The following RBM47 variants were observed in gnomAD, a reference collection of about 807,000 sequenced individuals.
The protein encoded by RBM47 is RNA binding motif protein 47.
Under a neutral mutation model 47.1 loss-of-function variants are expected in RBM47, and 21 were observed. That is an observed-to-expected ratio of 0.45 (90% CI 0.32 to 0.64). The LOEUF is 0.64. RBM47 is among the 30% of genes least tolerant of loss of function. The probability of loss-of-function intolerance (pLI) is 0.05; values close to 1 mark genes in which losing one functional copy is unlikely to be tolerated. For synonymous variants in RBM47, 375 were observed against 361.7 expected, an observed-to-expected ratio of 1.04 and a Z score of -0.42; for missense variants, 708 against 870.9, an observed-to-expected ratio of 0.81 and a Z score of 2.35.
At chr4:40,612,340 T>G (rs1038726901) in intron 1 of RBM47, among the ~76,000 whole-genome samples, 2 of 152,206 alleles carry the variant, frequency 1.3e-5, no homozygotes, top group Non-Finnish European at 2.9e-5. Context: ...AAGAACAGCC[T>G]CTACTAAAAA....
intron 1 of RBM47, among the ~76,000 whole-genome samples, chr4:40,561,689 A>T (rs559898762): frequency 6.6e-6 from 1 of 151,548 alleles, no homozygotes; most frequent in East Asian, 1.9e-4. Flanking sequence ...AGCTGGAATT[A>T]CAGGCTTGCA....
chr4:40,524,587 G>A (rs1191989423), intron 2 of RBM47, among the ~76,000 whole-genome samples: 1 of 152,160 alleles, frequency 6.6e-6, no homozygotes, highest in Non-Finnish European at 1.5e-5. Flanking sequence ...TTGGCATTCG[G>A]ACTCAGAAAA....
At chr4:40,506,220 G>C (rs1724083893) in intron 2 of RBM47, among the ~76,000 whole-genome samples, 1 of 152,176 alleles carries the variant, frequency 6.6e-6, no homozygotes, top group South Asian at 2.1e-4. Context: ...ATTTGTGATT[G>C]ACAGCAACGG....
At chr4:40,596,711 C>T (rs1377365615) in intron 1 of RBM47, among the ~76,000 whole-genome samples, 1 of 152,084 alleles carries the variant, frequency 6.6e-6, no homozygotes, top group Non-Finnish European at 1.5e-5. Flanking sequence ...CAAAGCCCCA[C>T]GCCTTGTGTA....
chr4:40,496,038 C>G (rs1263612689), intron 2 of RBM47, among the ~76,000 whole-genome samples: 1 of 152,170 alleles, frequency 6.6e-6, no homozygotes. Flanking sequence ...AATTGATCAT[C>G]CCCATCTTTC....
intron 1 of RBM47, among the ~76,000 whole-genome samples, chr4:40,569,457 T>G (rs1434065839): frequency 6.6e-6 from 1 of 150,920 alleles, no homozygotes; most frequent in Non-Finnish European, 1.5e-5. Flanking sequence ...TCGCCCAGGC[T>G]GGAGTGCAGT....
chr4:40,543,314 T>A (rs1262739412), intron 2 of RBM47: 2 of 152,128 alleles, frequency 1.3e-5, no homozygotes, highest in East Asian at 3.9e-4. Flanking sequence ...TCCTACCCGC[T>A]GATTGCAGGA....
At chr4:40,512,720 A>C (rs1279442360) in intron 2 of RBM47, among the ~76,000 whole-genome samples, 6 of 151,622 alleles carry the variant, frequency 4.0e-5, no homozygotes, top group South Asian at 2.1e-4. Context: ...ATCTCAAAAA[A>C]AAAAAAAAAA....
intron 3 of RBM47, among the ~76,000 whole-genome samples, chr4:40,451,144 C>G (rs1178285301): frequency 2.2e-5 from 3 of 135,160 alleles, no homozygotes; most frequent in Non-Finnish European, 3.0e-5. Context: ...CCCAGGAGTT[C>G]GAGACCAGCC....
chr4:40,456,995 T>C (rs551846315), intron 3 of RBM47, among the ~76,000 whole-genome samples: 2 of 152,346 alleles, frequency 1.3e-5, no homozygotes, highest in South Asian at 4.1e-4. Context: ...ATTGTAATTT[T>C]ATAAAGATGC....
chr4:40,496,904 G>A (rs982668359), intron 2 of RBM47, among the ~76,000 whole-genome samples: 49 of 152,172 alleles, frequency 3.2e-4, no homozygotes, highest in African/African-American at 1.2e-3. Context: ...GCCAGGCGTG[G>A]TGGCACATGC....
intron 1 of RBM47, among the ~76,000 whole-genome samples, chr4:40,576,373 C>A (rs1421220686): frequency 6.7e-6 from 1 of 150,174 alleles, no homozygotes; most frequent in African/African-American, 2.5e-5. Flanking sequence ...CCAGGCTGGT[C>A]TTGAACTCCT....
chr4:40,473,743 C>T (rs531322431), intron 2 of RBM47, among the ~76,000 whole-genome samples: 2 of 152,256 alleles, frequency 1.3e-5, no homozygotes, highest in African/African-American at 4.8e-5. Context: ...AGAGACCCCA[C>T]AAAATGAGTA....
chr4:40,501,249 T>C (rs536036846), intron 2 of RBM47, among the ~76,000 whole-genome samples: 1 of 152,168 alleles, frequency 6.6e-6, no homozygotes, highest in South Asian at 2.1e-4. Context: ...TCATACCTTA[T>C]GGAGAAACAT....
intron 1 of RBM47, among the ~76,000 whole-genome samples, chr4:40,610,631 A>AT (rs1430378594): frequency 6.7e-6 from 1 of 149,808 alleles, no homozygotes; most frequent in African/African-American, 2.5e-5. Flanking sequence ...AAAAAAAAAA[A>AT]GAACAGGACC....
intron 2 of RBM47, among the ~76,000 whole-genome samples, chr4:40,524,709 C>T (rs980416761): frequency 6.6e-6 from 1 of 152,202 alleles, no homozygotes. Flanking sequence ...CAGCCTTGAC[C>T]TCCTGGGCTC....
intron 3 of RBM47, among the ~76,000 whole-genome samples, chr4:40,464,358 T>C (rs978464376): frequency 1.3e-5 from 2 of 152,274 alleles, no homozygotes; most frequent in Non-Finnish European, 2.9e-5. Flanking sequence ...CTATACATAT[T>C]TACATATATA....
intron 1 of RBM47, among the ~76,000 whole-genome samples, chr4:40,599,739 G>GAAAAA (rs34255711): frequency 2.2e-5 from 3 of 138,712 alleles, no homozygotes; most frequent in African/African-American, 5.2e-5. Context: ...AAATGAATTA[G>GAAAAA]AAAAAAAAAA....
intron 2 of RBM47, among the ~76,000 whole-genome samples, chr4:40,520,083 A>G (rs1726050301): frequency 6.6e-6 from 1 of 152,156 alleles, no homozygotes; most frequent in African/African-American, 2.4e-5. Context: ...ACCAAAAAAT[A>G]TGGCTTCTCC....
Sources: gnomAD v4.1 joint callset for allele counts (sites outside exome capture counted in the v4.1 genomes callset) on GRCh38, gnomAD v4.1.1 for gene constraint, MANE v1.5 for transcripts, NCBI Gene and HGNC (gene_info 2026-07-23, HGNC 2026-07-21) for gene names.